Variants in FBXL17 observed in about 807,000 individuals in gnomAD.
The protein encoded by FBXL17 is F-box and leucine rich repeat protein 17, also known as F-box/LRR-repeat protein 17.
FBXL17 carries 22 observed loss-of-function variants against 66.2 expected under a neutral mutation model. That is an observed-to-expected ratio of 0.33 (90% confidence interval 0.24 to 0.47). The LOEUF is 0.47. FBXL17 is among the 20% of genes least tolerant of loss of function. The pLI is 1.00. For missense variants in FBXL17, 878 were observed against 948.2 expected (o/e 0.93, Z 0.97); for synonymous variants, 474 against 400.5 (o/e 1.18, Z -2.19).
intron 6 of FBXL17, among the ~76,000 whole-genome samples, chr5:108,047,929 C>T (rs753075230): frequency 1.3e-5 from 2 of 152,226 alleles, no homozygotes; most frequent in Admixed American, 6.5e-5. Context: ...CACACCCCTC[C>T]ACCAAGGAAC....
At chr5:108,252,868 T>C (rs1446852355) in intron 4 of FBXL17, among the ~76,000 whole-genome samples, 1 of 152,156 alleles carries the variant, frequency 6.6e-6, no homozygotes, top group Non-Finnish European at 1.5e-5. Flanking sequence ...TCTCAAATTC[T>C]CATTATGCAC....
chr5:108,371,910 A>G (rs1183170160), intron 1 of FBXL17, among the ~76,000 whole-genome samples: 2 of 152,144 alleles, frequency 1.3e-5, no homozygotes, highest in Admixed American at 1.3e-4. Context: ...CATTAGCTCA[A>G]GAGCCCACTA....
chr5:107,925,109 C>T (rs191269077), intron 7 of FBXL17, among the ~76,000 whole-genome samples: 2 of 152,254 alleles, frequency 1.3e-5, no homozygotes, highest in East Asian at 3.9e-4. Context: ...TAATTAAGTT[C>T]TAATTTGATG....
chr5:107,886,910 A>T (rs1000134185), intron 7 of FBXL17, among the ~76,000 whole-genome samples: 2 of 125,732 alleles, frequency 1.6e-5, no homozygotes, highest in African/African-American at 7.2e-5. Context: ...CAAGGTAATG[A>T]AATACAAAAA....
intron 6 of FBXL17, among the ~76,000 whole-genome samples, chr5:108,033,506 C>T (rs182026599): frequency 4.2e-4 from 64 of 152,130 alleles, no homozygotes; most frequent in Non-Finnish European, 7.4e-4. Flanking sequence ...ATGCCCATTC[C>T]CACTCACAAA....
At chr5:108,158,019 T>C (rs1002043536) in intron 6 of FBXL17, among the ~76,000 whole-genome samples, 1 of 152,106 alleles carries the variant, frequency 6.6e-6, no homozygotes. Flanking sequence ...AAAACTTGCC[T>C]CTTGAATATC....
chr5:108,187,651 C>A, intron 5 of FBXL17, among the ~76,000 whole-genome samples: 1 of 152,144 alleles, frequency 6.6e-6, no homozygotes, highest in Middle Eastern at 3.2e-3. Context: ...CCTCAGCTGC[C>A]AGCCGGGAAG....
At chr5:108,102,183 A>C (rs1749627678) in intron 6 of FBXL17, among the ~76,000 whole-genome samples, 2 of 152,204 alleles carry the variant, frequency 1.3e-5, no homozygotes, top group Non-Finnish European at 2.9e-5. Context: ...CTGAATCTGG[A>C]GAGATACAGA....
At chr5:107,939,457 G>A (rs565612389) in intron 7 of FBXL17, among the ~76,000 whole-genome samples, 1 of 152,018 alleles carries the variant, frequency 6.6e-6, no homozygotes, top group Admixed American at 6.6e-5. Flanking sequence ...ACAGATTCGG[G>A]CCACGGGTCA....
chr5:108,121,526 G>T (rs755647380), intron 6 of FBXL17, among the ~76,000 whole-genome samples: 5 of 151,998 alleles, frequency 3.3e-5, no homozygotes, highest in Non-Finnish European at 5.9e-5. Context: ...GAAGGAAAAT[G>T]CTACATAAAT....
intron 7 of FBXL17, among the ~76,000 whole-genome samples, chr5:107,915,955 T>A (rs1186141193): frequency 1.3e-5 from 2 of 152,244 alleles, no homozygotes; most frequent in East Asian, 3.8e-4. Context: ...ACTTCTCTTC[T>A]TTTTGCAGAT....
intron 6 of FBXL17, among the ~76,000 whole-genome samples, chr5:108,058,112 C>T (rs1247295399): frequency 6.6e-6 from 1 of 152,160 alleles, no homozygotes; most frequent in Non-Finnish European, 1.5e-5. Context: ...AGTTACCTAA[C>T]ATTAGTGAAC....
At chr5:108,208,610 C>A (rs1754229737) in intron 5 of FBXL17, among the ~76,000 whole-genome samples, 1 of 152,124 alleles carries the variant, frequency 6.6e-6, no homozygotes, top group Admixed American at 6.6e-5. Flanking sequence ...TGTCAAAGAT[C>A]AGATGGTTGT....
intron 6 of FBXL17, among the ~76,000 whole-genome samples, chr5:108,048,807 G>A (rs1415660268): frequency 6.6e-6 from 1 of 152,134 alleles, no homozygotes; most frequent in African/African-American, 2.4e-5. Flanking sequence ...ATGGGACTAC[G>A]TAAAAAGGCG....
intron 6 of FBXL17, among the ~76,000 whole-genome samples, chr5:108,060,866 T>C (rs1747892316): frequency 6.6e-6 from 1 of 152,088 alleles, no homozygotes. Flanking sequence ...ACGTTCTTAG[T>C]CCCCATTCCT....
chr5:108,253,976 AAAAAG>A (rs1756469342), intron 4 of FBXL17, among the ~76,000 whole-genome samples: 2 of 152,162 alleles, frequency 1.3e-5, no homozygotes, highest in Non-Finnish European at 2.9e-5. Flanking sequence ...CCTGTCTCAA[AAAAAG>A]AAAAGAAAAG....
intron 4 of FBXL17, among the ~76,000 whole-genome samples, chr5:108,260,021 TA>T (rs111960335): frequency 1.1e-3 from 143 of 127,010 alleles, no homozygotes; most frequent in East Asian, 2.6e-3. Flanking sequence ...ATAAGAAACT[TA>T]AAAAAAAAAA....
intron 7 of FBXL17, among the ~76,000 whole-genome samples, chr5:107,916,046 C>G (rs1358406873): frequency 2.0e-5 from 3 of 152,174 alleles, no homozygotes; most frequent in African/African-American, 7.2e-5. Flanking sequence ...ATGGGGCAGT[C>G]TAATAAGAAT....
intron 4 of FBXL17, among the ~76,000 whole-genome samples, chr5:108,248,352 G>A (rs545087887): frequency 5.8e-4 from 89 of 152,196 alleles, no homozygotes; most frequent in Non-Finnish European, 1.1e-3. Context: ...GCAGAATGAA[G>A]GCAAGACAGA....
Sources: gnomAD v4.1 joint callset for allele counts (sites outside exome capture counted in the v4.1 genomes callset) on GRCh38, gnomAD v4.1.1 for gene constraint, MANE v1.5 for transcripts, NCBI Gene and HGNC (gene_info 2026-07-23, HGNC 2026-07-21) for gene names.